Variants in CPPED1 observed in about 807,000 individuals in gnomAD.
The protein encoded by CPPED1 is calcineurin like phosphoesterase domain containing 1, also known as serine/threonine-protein phosphatase CPPED1.
A neutral mutation model predicts 28.0 loss-of-function variants in CPPED1; 28 were observed. That is an observed-to-expected ratio of 1.00 (90% CI 0.74 to 1.37). CPPED1 has a LOEUF of 1.37. Ranked by LOEUF, CPPED1 falls within the 40% of genes most tolerant of loss-of-function variation. The pLI is 0.00. For missense variants in CPPED1, 504 were observed against 416.5 expected (o/e 1.21, Z -1.83); for synonymous variants, 198 against 180.2 (o/e 1.10, Z -0.79).
intron 2 of CPPED1, among the ~76,000 whole-genome samples, chr16:12,744,298 A>G (rs867540026): frequency 6.4e-5 from 8 of 125,264 alleles, no homozygotes; most frequent in East Asian, 2.3e-4. Context: ...GAGAGAGAGA[A>G]AGCAAGCAAG....
intron 2 of CPPED1, among the ~76,000 whole-genome samples, chr16:12,779,351 T>G (rs186935107): frequency 1.8e-3 from 267 of 151,824 alleles, no homozygotes; most frequent in African/African-American, 6.2e-3. Context: ...CCTCAGTAGC[T>G]GGGACTACAG....
intron 2 of CPPED1, among the ~76,000 whole-genome samples, chr16:12,757,048 C>A (rs1266926920): frequency 6.6e-6 from 1 of 152,096 alleles, no homozygotes; most frequent in Non-Finnish European, 1.5e-5. Context: ...TCGAGGTGAC[C>A]AACTAAGTTA....
intron 2 of CPPED1, among the ~76,000 whole-genome samples, chr16:12,725,571 G>A (rs560920451): frequency 2.0e-4 from 31 of 152,286 alleles, no homozygotes; most frequent in Middle Eastern, 3.4e-3. Flanking sequence ...GGGGAGAGGG[G>A]AGGGAGGAAT....
rs2080535307 is a variant in CPPED1 at position 12,782,118 on chromosome 16, T to G, written c.71-715A>C. Reference sequence around the variant, plus strand: ...CACCTGAAATCATTCTGCTTGCTCTTCCGACTGACTCTCCTGGGCCAAAGC... The same window carrying G: ...CACCTGAAATCATTCTGCTTGCTCTGCCGACTGACTCTCCTGGGCCAAAGC... On this transcript the variant is annotated intron_variant, in intron 1 of 3. Coordinates refer to ENST00000381774, the MANE Select transcript of CPPED1 (RefSeq NM_018340.3). 1.3e-5 allele frequency among the ~76,000 whole-genome samples: 2 copies of G among 152,164 alleles called. 1 individual carries two copies. Among genetic ancestry groups the G allele is most frequent in the South Asian group, 4.1e-4 (2 of 4,826 alleles).
chr16:12,796,868 C>T (rs886618500), intron 1 of CPPED1, among the ~76,000 whole-genome samples: 3 of 152,008 alleles, frequency 2.0e-5, no homozygotes, highest in African/African-American at 7.3e-5. Flanking sequence ...AAATGTTTAT[C>T]AATAGGTGGT....
intron 1 of CPPED1, among the ~76,000 whole-genome samples, chr16:12,800,875 A>G (rs2080655423): frequency 6.6e-6 from 1 of 151,986 alleles, no homozygotes; most frequent in South Asian, 2.1e-4. Context: ...CTCTTTTAGC[A>G]ATCAGACGAA....
intron 2 of CPPED1, among the ~76,000 whole-genome samples, chr16:12,745,711 TA>T (rs2080282655): frequency 6.6e-6 from 1 of 152,226 alleles, no homozygotes; most frequent in Non-Finnish European, 1.5e-5. Context: ...GCAGAAAAGA[TA>T]ACCATTGGGT....
intron 3 of CPPED1, among the ~76,000 whole-genome samples, chr16:12,678,984 T>C (rs376994651): frequency 6.6e-6 from 1 of 152,252 alleles, no homozygotes; most frequent in East Asian, 1.9e-4. Flanking sequence ...TCCTATTTTT[T>C]AGACTTTTGA....
At chr16:12,769,770 C>T (rs3748981) in intron 2 of CPPED1, among the ~76,000 whole-genome samples, 28,147 of 152,070 alleles carry the variant, frequency 0.19, 3,144 homozygotes, top group South Asian at 0.32. Flanking sequence ...GCACAGACAG[C>T]CCCGGCCCAT....
At position 12,705,133 on chromosome 16, in the gene CPPED1, T is replaced by A. The variant is rs535595713; in HGVS notation, c.290-84A>T. On this transcript the variant is annotated intron_variant, in intron 2 of 3. Coordinates refer to ENST00000381774, the MANE Select transcript of CPPED1 (RefSeq NM_018340.3). ...AACTTAAGTACTTACTAACATAAAA[T>A]TTAAAAAAAGAGTAATCTGGAAATC... The A allele has an allele frequency of 3.6e-6, 5 of 1,388,780 alleles. No individual in the cohort carries two copies. The South Asian group carries it at 4.3e-5, about 12-fold the overall frequency. The allele number at this position is 1,388,780 out of a possible 1,614,324, so 86.0% of individuals were successfully genotyped here. A position where few individuals can be genotyped will look rare whatever the true frequency, so the allele number is the denominator to read the frequency against.
intron 1 of CPPED1, among the ~76,000 whole-genome samples, chr16:12,795,161 C>A (rs2080620026): frequency 6.6e-6 from 1 of 152,244 alleles, no homozygotes; most frequent in Admixed American, 6.5e-5. Flanking sequence ...AAGGCGCCTT[C>A]TCTGGGCAGA....
chr16:12,684,104 G>A (rs1299332389), intron 3 of CPPED1, among the ~76,000 whole-genome samples: 1 of 152,146 alleles, frequency 6.6e-6, no homozygotes, highest in Non-Finnish European at 1.5e-5. Flanking sequence ...GCTGCATGGG[G>A]GTCTGGAGAC....
At chr16:12,793,174 C>T (rs914466286) in intron 1 of CPPED1, among the ~76,000 whole-genome samples, 2 of 152,150 alleles carry the variant, frequency 1.3e-5, no homozygotes, top group Admixed American at 6.6e-5. Context: ...TACACGATAG[C>T]GGGGGAGATG....
chr16:12,803,743 T>G lies in CPPED1; in HGVS notation c.34A>C (p.Arg12=), dbSNP rs1596492159. 1 of 1,595,762 alleles carries G rather than the reference T, an allele frequency of 6.3e-7. No homozygotes were observed. The highest frequency in any genetic ancestry group is 1.4e-5 in the African/African-American group (1 of 73,902). The change falls in exon 1 of 4, where the codon AGA becomes CGA. Residue 12 remains arginine (R), a synonymous_variant. Coordinates refer to ENST00000381774, the MANE Select transcript of CPPED1 (RefSeq NM_018340.3). ...GCGGCCAGGGTCCTGCCCCTGGCTC[T>G]GTGGAAAACACCCCCCGCCTCTGCA... ...SAAEAGGVFH[R]ARGRTLAAFP...
At chr16:12,795,516 T>A (rs1414698283) in intron 1 of CPPED1, among the ~76,000 whole-genome samples, 1 of 152,172 alleles carries the variant, frequency 6.6e-6, no homozygotes, top group Non-Finnish European at 1.5e-5. Context: ...ATCATTGTAT[T>A]TTTAGTACAG....
chr16:12,752,388 G>A (rs757949238), intron 2 of CPPED1, among the ~76,000 whole-genome samples: 12 of 151,906 alleles, frequency 7.9e-5, no homozygotes, highest in Non-Finnish European at 1.6e-4. Context: ...TCTACCACAC[G>A]AAATATGGAA....
intron 2 of CPPED1, 148 bp from the exon 3 acceptor site, chr16:12,705,197 C>A: frequency 2.3e-6 from 2 of 869,044 alleles, no homozygotes; most frequent in Non-Finnish European, 3.4e-6. Context: ...AATGCAGTCA[C>A]GTGCTAAAAG....
At chr16:12,787,775 T>C (rs2080573179) in intron 1 of CPPED1, among the ~76,000 whole-genome samples, 1 of 152,220 alleles carries the variant, frequency 6.6e-6, no homozygotes, top group Non-Finnish European at 1.5e-5. Flanking sequence ...TGTCTACTGC[T>C]GTGTAACAAA....
intron 2 of CPPED1, among the ~76,000 whole-genome samples, chr16:12,727,918 C>A (rs1333464589): frequency 6.6e-6 from 1 of 152,198 alleles, no homozygotes; most frequent in Non-Finnish European, 1.5e-5. Flanking sequence ...TGTTCATAAA[C>A]TGGCTGCCTG....
Sources: gnomAD v4.1 joint callset for allele counts (sites outside exome capture counted in the v4.1 genomes callset) on GRCh38, gnomAD v4.1.1 for gene constraint, MANE v1.5 for transcripts, NCBI Gene and HGNC (gene_info 2026-07-23, HGNC 2026-07-21) for gene names.